The following MYO5B variants were observed in gnomAD, a reference collection of about 807,000 sequenced individuals.
The protein encoded by MYO5B is myosin VB.
MYO5B carries 143 observed loss-of-function variants against 229.3 expected under a neutral mutation model. That is an observed-to-expected ratio of 0.62 (90% confidence interval 0.54 to 0.72). MYO5B has a LOEUF of 0.72. Among genes scored for constraint, MYO5B ranks in the 30% least tolerant of loss-of-function variants. The probability of loss-of-function intolerance (pLI) is 0.00; values close to 1 mark genes in which losing one functional copy is unlikely to be tolerated. For missense variants in MYO5B, 2,321 were observed against 2,331.0 expected (o/e 1.00, Z 0.09); for synonymous variants, 918 against 885.2 (o/e 1.04, Z -0.66).
intron 10 of MYO5B, among the ~76,000 whole-genome samples, chr18:49,965,262 G>A (rs963446577): frequency 3.3e-5 from 5 of 152,144 alleles, no homozygotes; most frequent in African/African-American, 7.2e-5. Context: ...GATGGATGTG[G>A]TCACACTCAC....
chr18:50,100,138 A>G (rs1472743932), intron 1 of MYO5B, among the ~76,000 whole-genome samples: 1 of 152,262 alleles, frequency 6.6e-6, no homozygotes, highest in African/African-American at 2.4e-5. Flanking sequence ...CAATGACAGA[A>G]GGAAGGAGCT....
chr18:49,998,047 G>A (rs530371261), intron 5 of MYO5B, among the ~76,000 whole-genome samples: 1 of 151,912 alleles, frequency 6.6e-6, no homozygotes, highest in African/African-American at 2.4e-5. Flanking sequence ...GTCGACTTAC[G>A]AAAAGTCGTG....
At chr18:50,151,978 G>A (rs758513711) in intron 1 of MYO5B, among the ~76,000 whole-genome samples, 5 of 152,178 alleles carry the variant, frequency 3.3e-5, no homozygotes, top group African/African-American at 7.2e-5. Context: ...CATCCGCCCC[G>A]TTCAGATCCT....
chr18:50,110,803 T>A (rs984766501), intron 1 of MYO5B, among the ~76,000 whole-genome samples: 1 of 149,814 alleles, frequency 6.7e-6, no homozygotes, highest in South Asian at 2.2e-4. Flanking sequence ...CTAGACAAGG[T>A]AGAGTATGAG....
At chr18:50,058,343 G>A (rs1469063750) in intron 1 of MYO5B, among the ~76,000 whole-genome samples, 1 of 152,138 alleles carries the variant, frequency 6.6e-6, no homozygotes, top group African/African-American at 2.4e-5. Flanking sequence ...GGTGGTACAT[G>A]CTTGTAGTCC....
chr18:49,994,019 T>C (rs184913764), intron 5 of MYO5B, among the ~76,000 whole-genome samples: 30 of 152,246 alleles, frequency 2.0e-4, no homozygotes, highest in African/African-American at 6.5e-4. Flanking sequence ...CTCTCTGCCC[T>C]CACCCAAGCT....
intron 1 of MYO5B, among the ~76,000 whole-genome samples, chr18:50,117,703 GAA>G (rs2031987605): frequency 6.6e-6 from 1 of 152,116 alleles, no homozygotes; most frequent in Non-Finnish European, 1.5e-5. Context: ...AGGAGAGAAA[GAA>G]AAGCTACAGG....
intron 29 of MYO5B, among the ~76,000 whole-genome samples, chr18:49,857,605 A>T (rs772427402): frequency 2.6e-5 from 4 of 152,206 alleles, no homozygotes; most frequent in Non-Finnish European, 5.9e-5. Context: ...GAACTGAATG[A>T]TGTCTCCCCT....
At chr18:50,116,960 C>CT (rs2031974530) in intron 1 of MYO5B, among the ~76,000 whole-genome samples, 1 of 152,118 alleles carries the variant, frequency 6.6e-6, no homozygotes, top group Non-Finnish European at 1.5e-5. Flanking sequence ...ACATACCCAA[C>CT]TTTTTTGACA....
At chr18:50,055,235 A>ACCCCCCCCCCCCCCCCCCCTCC in intron 2 of MYO5B, 33 bp downstream of exon 2, 1 of 353,292 alleles carries the variant, frequency 2.8e-6, no homozygotes. Context: ...GCCCCACCTC[A>ACCCCCCCCCCCCCCCCCCCTCC]CCCCCGCCCC....
intron 16 of MYO5B, among the ~76,000 whole-genome samples, chr18:49,934,249 G>C (rs1369078334): frequency 2.0e-5 from 3 of 151,978 alleles, no homozygotes; most frequent in Non-Finnish European, 4.4e-5. Flanking sequence ...CAAATCAGCA[G>C]TGAGCTCAAA....
At position 49,874,674 on chromosome 18, in the gene MYO5B, T is replaced by C. The variant is rs192642650; in HGVS notation, c.3537+1013A>G. Among the ~76,000 whole-genome samples, 12 of 152,282 alleles carry C rather than the reference T, an allele frequency of 7.9e-5. No homozygotes were observed. The East Asian group carries it at 1.3e-3, about 17-fold the overall frequency. ...ACAGAAGTGAGGGAAGGGGTAGGGA[T>C]TGAGAACATGGGGTAGGTGTCAAAC... On this transcript the variant is annotated intron_variant, in intron 26 of 39. Coordinates refer to ENST00000285039, the MANE Select transcript of MYO5B (RefSeq NM_001080467.3).
intron 4 of MYO5B, among the ~76,000 whole-genome samples, chr18:50,016,687 A>C (rs2026219076): frequency 6.6e-6 from 1 of 152,116 alleles, no homozygotes; most frequent in South Asian, 2.1e-4. Flanking sequence ...CATACAATTC[A>C]CCCATTTAAA....
chr18:50,030,810 G>A lies in MYO5B; in HGVS notation c.455+6040C>T, dbSNP rs2026378843. On this transcript the variant is annotated intron_variant, in intron 4 of 39. Coordinates refer to ENST00000285039, the MANE Select transcript of MYO5B (RefSeq NM_001080467.3). The stretch of plus-strand genomic sequence containing the variant: ...ACACAGCAGAGACAGATGGGAATGT[G>A]GGTGCTGTATTACCTTGGTTACCTG... Among the ~76,000 whole-genome samples, 3 of 133,420 alleles carry A rather than the reference G, an allele frequency of 2.2e-5. No individual in the cohort carries two copies. The South Asian group carries it at 7.5e-4, about 34-fold the overall frequency. The allele number at this position is 133,420 out of a possible 152,430, so 87.5% of individuals were successfully genotyped here.
In MYO5B at chr18:49,954,308, G is replaced by A; in HGVS notation, c.1668+5C>T. ...AATACCCGAGCCAACAGAGAGGAGAGCCACCTTGTCTGCAAAGTGGACGAT... is the reference window on the plus strand; with the variant it reads ...AATACCCGAGCCAACAGAGAGGAGAACCACCTTGTCTGCAAAGTGGACGAT... On this transcript the variant is annotated splice_donor_5th_base_variant and intron_variant, in intron 13 of 39. Coordinates refer to ENST00000285039, the MANE Select transcript of MYO5B (RefSeq NM_001080467.3). 1 of 1,613,888 alleles carries A rather than the reference G, an allele frequency of 6.2e-7. No homozygotes were observed. The highest frequency in any genetic ancestry group is 2.2e-5 in the East Asian group (1 of 44,860).
At chr18:49,926,552 A>G (rs1739409787) in intron 17 of MYO5B, among the ~76,000 whole-genome samples, 1 of 152,226 alleles carries the variant, frequency 6.6e-6, no homozygotes, top group African/African-American at 2.4e-5. Flanking sequence ...TGATGCTGGT[A>G]GGCAGTGTGA....
intron 21 of MYO5B, among the ~76,000 whole-genome samples, chr18:49,897,604 G>C (rs1249868148): frequency 6.6e-6 from 1 of 152,022 alleles, no homozygotes; most frequent in Non-Finnish European, 1.5e-5. Context: ...ACAGAATAAG[G>C]ATATCAAGAA....
intron 9 of MYO5B, among the ~76,000 whole-genome samples, chr18:49,975,503 C>T (rs558623504): frequency 4.6e-5 from 7 of 152,286 alleles, no homozygotes; most frequent in African/African-American, 7.2e-5. Context: ...TCTTCTTAGC[C>T]TCATTGATGC....
chr18:50,183,399 T>C (rs1417679718), intron 1 of MYO5B, among the ~76,000 whole-genome samples: 5 of 150,226 alleles, frequency 3.3e-5, no homozygotes, highest in Admixed American at 2.0e-4. Flanking sequence ...TCTGTATGTA[T>C]TCCTCTCTAA....
Sources: gnomAD v4.1 joint callset for allele counts (sites outside exome capture counted in the v4.1 genomes callset) on GRCh38, gnomAD v4.1.1 for gene constraint, MANE v1.5 for transcripts, NCBI Gene and HGNC (gene_info 2026-07-23, HGNC 2026-07-21) for gene names.